Variants in QKI observed in about 807,000 individuals in gnomAD.
The protein encoded by QKI is QKI, KH domain containing RNA binding.
A neutral mutation model predicts 39.0 loss-of-function variants in QKI; 10 were observed. The ratio of observed to expected loss-of-function variants is 0.26; its 90% CI spans 0.16 to 0.43. The LOEUF (loss-of-function observed/expected upper bound fraction) is 0.43, where lower values mean the gene tolerates loss of function less well. Among genes scored for constraint, QKI ranks in the 20% least tolerant of loss-of-function variants. QKI has a pLI of 1.00. For missense variants in QKI, 218 were observed against 428.0 expected, an observed-to-expected ratio of 0.51 and a Z score of 4.33; for synonymous variants, 204 against 155.4, an observed-to-expected ratio of 1.31 and a Z score of -2.33.
At chr6:163,449,995 G>GTGTATAACATATA (rs769939207) in intron 1 of QKI, among the ~76,000 whole-genome samples, 1 of 151,742 alleles carries the variant, frequency 6.6e-6, no homozygotes, top group East Asian at 1.9e-4. Context: ...TAACATATGT[G>GTGTATAACATATA]TGTATAACAT....
chr6:163,453,538 G>A (rs1790725613), intron 1 of QKI, among the ~76,000 whole-genome samples: 1 of 152,106 alleles, frequency 6.6e-6, no homozygotes, highest in Admixed American at 6.5e-5. Context: ...ATGATGTAAA[G>A]GAGTTTAAAT....
intron 1 of QKI, among the ~76,000 whole-genome samples, chr6:163,433,452 T>C (rs1199858800): frequency 6.6e-6 from 1 of 152,128 alleles, no homozygotes; most frequent in Non-Finnish European, 1.5e-5. Context: ...AGTATAAATA[T>C]GAACCAGAAA....
At chr6:163,446,415 TTAATAA>T (rs1790150674) in intron 1 of QKI, among the ~76,000 whole-genome samples, 2 of 152,352 alleles carry the variant, frequency 1.3e-5, no homozygotes, top group Admixed American at 6.5e-5. Context: ...AAAAGAGTTG[TTAATAA>T]TAATTGCTGG....
chr6:163,461,951 T>G (rs978644770), intron 2 of QKI, among the ~76,000 whole-genome samples: 1 of 152,212 alleles, frequency 6.6e-6, no homozygotes, highest in African/African-American at 2.4e-5. Flanking sequence ...TGTAAGTTAA[T>G]GAGACTATGT....
chr6:163,570,355 A>G, intron 7 of QKI: 1 of 982,574 alleles, frequency 1.0e-6, no homozygotes, highest in African/African-American at 1.7e-5. Context: ...TACCAAACCT[A>G]TTCATTGTTG....
intron 2 of QKI, among the ~76,000 whole-genome samples, chr6:163,472,361 A>C (rs1792269760): frequency 6.6e-6 from 1 of 152,112 alleles, no homozygotes; most frequent in African/African-American, 2.4e-5. Flanking sequence ...AGGAAGATTC[A>C]GGTTTGGTCT....
chr6:163,494,673 T>G (rs1778289209), intron 3 of QKI, among the ~76,000 whole-genome samples: 1 of 57,404 alleles, frequency 1.7e-5, no homozygotes, highest in Non-Finnish European at 3.6e-5. Flanking sequence ...TTTTTGTTGT[T>G]GTTGTTGTTA....
intron 1 of QKI, among the ~76,000 whole-genome samples, chr6:163,447,370 C>G (rs1333284544): frequency 6.6e-6 from 1 of 150,640 alleles, no homozygotes; most frequent in East Asian, 2.0e-4. Flanking sequence ...TTCAAGTTCT[C>G]TCTTCTAGCT....
intron 4 of QKI, 57 bp from the exon 5 acceptor site, chr6:163,561,925 C>G: frequency 7.7e-7 from 1 of 1,301,080 alleles, no homozygotes; most frequent in Non-Finnish European, 1.1e-6. Context: ...GTAGATATAG[C>G]TATTATATTT....
In QKI at chr6:163,415,104, G is replaced by T; in HGVS notation, c.-90G>T. ...CGGAGCGGGACGCCGGGTCCCGAGCGGCCCGCGGCCGGGGCTCGCCCCCGC... is the reference window on the plus strand; with the variant it reads ...CGGAGCGGGACGCCGGGTCCCGAGCTGCCCGCGGCCGGGGCTCGCCCCCGC... On this transcript the variant is annotated 5_prime_UTR_variant, in exon 1 of 8. Transcript: ENST00000361752. The T allele has an allele frequency of 9.6e-7, 1 of 1,040,634 alleles. No homozygotes were observed. Among genetic ancestry groups the T allele is most frequent in the Non-Finnish European group, 1.2e-6 (1 of 863,012 alleles). 64.5% of individuals were successfully genotyped at this position (1,040,634 alleles called of 1,614,324 possible).
chr6:163,542,589 A>G (rs889086699), intron 4 of QKI, among the ~76,000 whole-genome samples: 8 of 152,114 alleles, frequency 5.3e-5, no homozygotes, highest in African/African-American at 1.7e-4. Flanking sequence ...ACTGAAGTTC[A>G]TTGATGTTGT....
intron 2 of QKI, among the ~76,000 whole-genome samples, chr6:163,470,279 G>C (rs1007082351): frequency 6.6e-6 from 1 of 152,012 alleles, no homozygotes; most frequent in African/African-American, 2.4e-5. Context: ...TCTTCGCTTG[G>C]GGGTAGGGAC....
intron 1 of QKI, among the ~76,000 whole-genome samples, chr6:163,418,759 A>T (rs1234190835): frequency 3.3e-5 from 5 of 152,276 alleles, no homozygotes; most frequent in Admixed American, 3.3e-4. Flanking sequence ...AAAAAAACAG[A>T]CTTTTCTTGT....
At chr6:163,503,764 G>C (rs1210095548) in intron 3 of QKI, among the ~76,000 whole-genome samples, 4 of 151,834 alleles carry the variant, frequency 2.6e-5, no homozygotes, top group Non-Finnish European at 5.9e-5. Context: ...TTTGGAGACA[G>C]AGTCTTGCTC....
chr6:163,431,842 A>C (rs544338799), intron 1 of QKI, among the ~76,000 whole-genome samples: 2 of 152,002 alleles, frequency 1.3e-5, no homozygotes, highest in South Asian at 2.1e-4. Context: ...AAAAAAAAAA[A>C]AAAACCCTGT....
At chr6:163,415,692 G>A (rs1294369157) in intron 1 of QKI, among the ~76,000 whole-genome samples, 2 of 151,610 alleles carry the variant, frequency 1.3e-5, no homozygotes, top group Non-Finnish European at 2.9e-5. Context: ...TCCTCGCCGA[G>A]CCCTCCCGAG....
intron 3 of QKI, among the ~76,000 whole-genome samples, chr6:163,493,276 G>A (rs1489896818): frequency 2.6e-5 from 4 of 151,858 alleles, no homozygotes; most frequent in East Asian, 1.9e-4. Flanking sequence ...GATTACAGGC[G>A]CATGCCACCA....
intron 4 of QKI, among the ~76,000 whole-genome samples, chr6:163,547,446 C>T (rs928933910): frequency 6.6e-6 from 1 of 152,180 alleles, no homozygotes; most frequent in Non-Finnish European, 1.5e-5. Context: ...CCTGGACAGT[C>T]TGTTCTGTAA....
At chr6:163,510,927 T>G (rs1476926494) in intron 3 of QKI, among the ~76,000 whole-genome samples, 3 of 152,218 alleles carry the variant, frequency 2.0e-5, no homozygotes, top group African/African-American at 7.2e-5. Context: ...CCATTCTTGA[T>G]CATATTGATG....
Sources: gnomAD v4.1 joint callset for allele counts (sites outside exome capture counted in the v4.1 genomes callset) on GRCh38, gnomAD v4.1.1 for gene constraint, MANE v1.5 for transcripts, NCBI Gene and HGNC (gene_info 2026-07-23, HGNC 2026-07-21) for gene names.